CPA6: variants seen among roughly 807,000 people sequenced by gnomAD.
CPA6 encodes carboxypeptidase A6.
Under a neutral mutation model 63.3 loss-of-function variants are expected in CPA6, and 58 were observed. That is an observed-to-expected ratio of 0.92 (90% CI 0.74 to 1.14). The LOEUF is 1.14. Ranked by LOEUF, CPA6 falls within the 50% of genes most tolerant of loss-of-function variation. The pLI, the probability that CPA6 is intolerant of heterozygous loss-of-function variation, is 0.00. For synonymous variants in CPA6, 185 were observed against 179.0 expected, an observed-to-expected ratio of 1.03 and a Z score of -0.27; for missense variants, 565 against 526.6, an observed-to-expected ratio of 1.07 and a Z score of -0.71.
At chr8:67,597,547 C>T (rs930542946) in intron 2 of CPA6, among the ~76,000 whole-genome samples, 1 of 152,060 alleles carries the variant, frequency 6.6e-6, no homozygotes, top group Non-Finnish European at 1.5e-5. Flanking sequence ...TTTATTTATG[C>T]TTCTCTCTGG....
At chr8:67,423,075 G>T (rs943087021) in intron 10 of CPA6, among the ~76,000 whole-genome samples, 3 of 151,992 alleles carry the variant, frequency 2.0e-5, no homozygotes, top group Admixed American at 6.6e-5. Flanking sequence ...TATTGAAATT[G>T]TGTTCCCAGA....
chr8:67,461,590 C>A (rs184106118), intron 8 of CPA6, among the ~76,000 whole-genome samples: 1 of 152,158 alleles, frequency 6.6e-6, no homozygotes, highest in South Asian at 2.1e-4. Flanking sequence ...ACCTCCCAGA[C>A]GGGGTGGTGG....
At chr8:67,725,494 T>A (rs1048041386) in intron 1 of CPA6, among the ~76,000 whole-genome samples, 6 of 152,202 alleles carry the variant, frequency 3.9e-5, no homozygotes, top group Non-Finnish European at 8.8e-5. Context: ...TCATTTTACA[T>A]CTACATTGTT....
intron 2 of CPA6, among the ~76,000 whole-genome samples, chr8:67,555,922 C>A (rs996773505): frequency 2.0e-5 from 3 of 152,186 alleles, no homozygotes; most frequent in Non-Finnish European, 4.4e-5. Context: ...GAATTGCTTT[C>A]GCCAAGAAGT....
intron 10 of CPA6, among the ~76,000 whole-genome samples, chr8:67,424,800 T>C (rs1809848397): frequency 6.6e-6 from 1 of 152,232 alleles, no homozygotes; most frequent in Non-Finnish European, 1.5e-5. Context: ...CCTCTTTTTC[T>C]GTTTTTTGTT....
intron 8 of CPA6, among the ~76,000 whole-genome samples, chr8:67,467,874 C>T (rs544868085): frequency 2.2e-4 from 30 of 135,002 alleles, no homozygotes; most frequent in Middle Eastern, 3.7e-3. Flanking sequence ...GCGACAAGAG[C>T]GAAACCCCGT....
intron 2 of CPA6, among the ~76,000 whole-genome samples, chr8:67,528,468 G>A (rs1453613583): frequency 6.6e-6 from 1 of 152,168 alleles, no homozygotes; most frequent in Non-Finnish European, 1.5e-5. Context: ...CTGTGTCCCA[G>A]AAATGGCTTT....
chr8:67,602,707 C>T (rs1300926852), intron 2 of CPA6, among the ~76,000 whole-genome samples: 1 of 152,100 alleles, frequency 6.6e-6, no homozygotes, highest in Non-Finnish European at 1.5e-5. Flanking sequence ...AACTGCTGAA[C>T]TTGGAGAGTT....
At chr8:67,542,428 AT>A (rs1220379263) in intron 2 of CPA6, among the ~76,000 whole-genome samples, 1 of 152,166 alleles carries the variant, frequency 6.6e-6, no homozygotes, top group Non-Finnish European at 1.5e-5. Context: ...TTAGATGAAA[AT>A]TCACTTATTT....
chr8:67,562,603 A>T (rs1003322824), intron 2 of CPA6, among the ~76,000 whole-genome samples: 2 of 152,176 alleles, frequency 1.3e-5, no homozygotes, highest in Non-Finnish European at 2.9e-5. Context: ...TTAGGAGGTG[A>T]GGCTTTTAGG....
intron 1 of CPA6, among the ~76,000 whole-genome samples, chr8:67,734,991 C>T (rs1817785368): frequency 6.6e-6 from 1 of 152,116 alleles, no homozygotes; most frequent in South Asian, 2.1e-4. Context: ...AGACCAGGGT[C>T]CTCATCTAGT....
intron 1 of CPA6, among the ~76,000 whole-genome samples, chr8:67,679,450 TG>T (rs1194938719): frequency 2.0e-5 from 3 of 152,250 alleles, no homozygotes; most frequent in Admixed American, 2.0e-4. Context: ...TTAATGCCTC[TG>T]AAAGTCTTTT....
At chr8:67,668,833 T>G (rs1395463099) in intron 1 of CPA6, among the ~76,000 whole-genome samples, 1 of 152,194 alleles carries the variant, frequency 6.6e-6, no homozygotes, top group Non-Finnish European at 1.5e-5. Context: ...ATATTACAAA[T>G]GTACATGGAG....
rs546146400 is a variant in CPA6, at chr8:67,744,620, C to T, written c.116+1394G>A. Among the ~76,000 whole-genome samples the T allele has an allele frequency of 1.5e-3, 223 of 152,242 alleles. 1 individual carries two copies. Among genetic ancestry groups the T allele is most frequent in the African/African-American group, 5.1e-3 (212 of 41,540 alleles). On this transcript the variant is annotated intron_variant, in intron 1 of 10. Transcript: ENST00000297770. ...GTCTAAATCTGTGATCTATGTTTAT[C>T]ATCTGACCCGGCATCAGCCAGGAGA...
chr8:67,528,483 G>A (rs913249364), intron 2 of CPA6, among the ~76,000 whole-genome samples: 5 of 152,186 alleles, frequency 3.3e-5, no homozygotes, highest in African/African-American at 9.6e-5. Flanking sequence ...GGCTTTCTGC[G>A]GGGGGCCATC....
At chr8:67,600,047 T>TTTTAAGG (rs1814452993) in intron 2 of CPA6, among the ~76,000 whole-genome samples, 1 of 151,328 alleles carries the variant, frequency 6.6e-6, no homozygotes, top group Non-Finnish European at 1.5e-5. Context: ...CACAAGGCAA[T>TTTTAAGG]ACTTTTAAGG....
chr8:67,527,688 T>A (rs1415358400), intron 2 of CPA6, among the ~76,000 whole-genome samples: 1 of 152,214 alleles, frequency 6.6e-6, no homozygotes, highest in Non-Finnish European at 1.5e-5. Context: ...AGGCTCTCAA[T>A]AATATAGCCC....
intron 2 of CPA6, among the ~76,000 whole-genome samples, chr8:67,549,595 T>C (rs1026862620): frequency 2.0e-5 from 3 of 152,242 alleles, no homozygotes; most frequent in Non-Finnish European, 4.4e-5. Flanking sequence ...TTATTTATCA[T>C]GTACAGTTGA....
intron 8 of CPA6, among the ~76,000 whole-genome samples, chr8:67,453,127 C>T (rs566277911): frequency 1.3e-5 from 2 of 151,760 alleles, no homozygotes; most frequent in South Asian, 4.2e-4. Flanking sequence ...GTGTGGGTGG[C>T]AGGGGGGCAA....
Sources: gnomAD v4.1 joint callset for allele counts (sites outside exome capture counted in the v4.1 genomes callset) on GRCh38, gnomAD v4.1.1 for gene constraint, MANE v1.5 for transcripts, NCBI Gene and HGNC (gene_info 2026-07-23, HGNC 2026-07-21) for gene names.